The following CAMK1G variants were observed in gnomAD, a reference collection of about 807,000 sequenced individuals.
The protein encoded by CAMK1G is calcium/calmodulin dependent protein kinase IG, also known as calcium/calmodulin-dependent protein kinase type 1G.
In CAMK1G, 27 loss-of-function variants were observed where a neutral mutation model predicts 54.8. That is an observed-to-expected ratio of 0.49 (90% confidence interval 0.36 to 0.68). The LOEUF (loss-of-function observed/expected upper bound fraction) is 0.68, where lower values mean the gene tolerates loss of function less well. CAMK1G is among the 30% of genes least tolerant of loss of function. The pLI, the probability that CAMK1G is intolerant of heterozygous loss-of-function variation, is 0.00. For synonymous variants in CAMK1G, 238 were observed against 224.9 expected, an observed-to-expected ratio of 1.06 and a Z score of -0.52; for missense variants, 512 against 591.0, an observed-to-expected ratio of 0.87 and a Z score of 1.39.
chr1:209,587,612 T>G (rs1264050097), intron 1 of CAMK1G, among the ~76,000 whole-genome samples: 1 of 151,962 alleles, frequency 6.6e-6, no homozygotes, highest in Non-Finnish European at 1.5e-5. Flanking sequence ...TCAGGGAACT[T>G]TAATCTAGTC....
rs146389830 is a variant in CAMK1G, at chr1:209,600,004, C to T, written c.114C>T (p.Phe38=). 220 of 1,613,656 alleles carry T rather than the reference C, an allele frequency of 1.4e-4. No individual in the cohort carries two copies. The African/African-American group carries it at 2.5e-3, about 18-fold the overall frequency. Residue 38 remains phenylalanine (F), a synonymous_variant, in exon 3 of 13, where the codon TTC becomes TTT. Coordinates refer to ENST00000361322, the MANE Select transcript of CAMK1G (RefSeq NM_020439.3). The part of the protein sequence containing the change: ...VLGSGAFSEV[F]LVKQRLTGKL... The stretch of plus-strand genomic sequence containing the variant: ...TCAGAGGAGCTTTCTCAGAAGTTTT[C>T]CTGGTGAAGCAAAGACTGACTGGGA...
At chr1:209,611,638 G>T in intron 10 of CAMK1G, 86 bp downstream of exon 10, 1 of 1,486,930 alleles carries the variant, frequency 6.7e-7, no homozygotes, top group Non-Finnish European at 9.3e-7. Flanking sequence ...GGCTTTCCTT[G>T]GGATGTCCCA....
chr1:209,603,119 A>T, intron 3 of CAMK1G, 95 bp from the exon 4 acceptor site: 1 of 1,160,040 alleles, frequency 8.6e-7, no homozygotes, highest in Non-Finnish European at 1.3e-6. Context: ...CATTGCCATC[A>T]AAAGCCTCCA....
chr1:209,584,001 C>G (rs1232575908), intron 1 of CAMK1G: 2 of 152,230 alleles, frequency 1.3e-5, no homozygotes, highest in South Asian at 2.1e-4. Context: ...GTCCGTCACT[C>G]CTGGGCTGGC....
Position 209,600,024 on chromosome 1 carries a change from C to T in CAMK1G, c.134C>T (p.Thr45Ile). 6.2e-7 allele frequency: 1 copy of T among 1,613,922 alleles called. No individual in the cohort carries two copies. Among genetic ancestry groups the T allele is most frequent in the African/African-American group, 1.3e-5 (1 of 75,058 alleles). ...SEVFLVKQRLTGKLFALKCIK... is the reference protein window; with the variant it reads ...SEVFLVKQRLIGKLFALKCIK... ...GTTTTCCTGGTGAAGCAAAGACTGA[C>T]TGGGAAGCTCTTTGCTCTGAAGTGC... The change falls in exon 3 of 13, where the codon ACT (threonine) becomes ATT (isoleucine). Residue 45 changes from threonine (T) to isoleucine (I), a missense_variant. Coordinates refer to ENST00000361322, the MANE Select transcript of CAMK1G (RefSeq NM_020439.3).
chr1:209,596,438 C>T (rs77438189), intron 2 of CAMK1G, among the ~76,000 whole-genome samples: 1,564 of 152,296 alleles, frequency 0.01, 30 homozygotes, highest in African/African-American at 0.036. Context: ...AAGACAGACA[C>T]ACCTTCCCTC....
intron 1 of CAMK1G, among the ~76,000 whole-genome samples, chr1:209,585,454 G>A (rs1301731091): frequency 1.3e-5 from 2 of 152,198 alleles, no homozygotes; most frequent in African/African-American, 4.8e-5. Flanking sequence ...GTACAGTGAC[G>A]AGAAGACTAG....
chr1:209,594,535 G>C (rs1315146905), intron 1 of CAMK1G, among the ~76,000 whole-genome samples: 1 of 152,234 alleles, frequency 6.6e-6, no homozygotes, highest in Non-Finnish European at 1.5e-5. Flanking sequence ...AGAGGTACTA[G>C]TGAGAAAAAT....
chr1:209,584,185 C>T (rs1324741212), intron 1 of CAMK1G, among the ~76,000 whole-genome samples: 1 of 152,188 alleles, frequency 6.6e-6, no homozygotes, highest in African/African-American at 2.4e-5. Flanking sequence ...CCTGCTCAAC[C>T]TTCATCTCTT....
At chr1:209,611,018 G>T (rs981922502) in intron 9 of CAMK1G, among the ~76,000 whole-genome samples, 1 of 152,134 alleles carries the variant, frequency 6.6e-6, no homozygotes, top group Non-Finnish European at 1.5e-5. Flanking sequence ...GACTACCCCA[G>T]TGCCCTGTGA....
chr1:209,585,221 G>C (rs1571767863), intron 1 of CAMK1G, among the ~76,000 whole-genome samples: 1 of 152,192 alleles, frequency 6.6e-6, no homozygotes, highest in African/African-American at 2.4e-5. Flanking sequence ...AATGGTTTGA[G>C]CTGGAACCAT....
At chr1:209,591,510 A>C (rs1374866005) in intron 1 of CAMK1G, among the ~76,000 whole-genome samples, 6 of 152,214 alleles carry the variant, frequency 3.9e-5, no homozygotes, top group Non-Finnish European at 8.8e-5. Flanking sequence ...GGAATGGGGA[A>C]CTTTAAGTTT....
intron 1 of CAMK1G, among the ~76,000 whole-genome samples, chr1:209,588,354 A>ATGGATTGGATTGGATTGGAT (rs56898431): frequency 6.8e-6 from 1 of 147,094 alleles, no homozygotes; most frequent in Non-Finnish European, 1.5e-5. Flanking sequence ...GTGGAGCGGA[A>ATGGATTGGATTGGATTGGAT]TGGATTGGAT....
rs1234309560 is a variant in CAMK1G, at chr1:209,606,348, A to T, written c.464A>T (p.Glu155Val). 1.2e-6 allele frequency: 2 copies of T among 1,614,084 alleles called. No individual in the cohort carries two copies. The highest frequency in any genetic ancestry group is 1.7e-6 in the Non-Finnish European group (2 of 1,179,960). ...GAAAACCTGCTTTACCTTACCCCTGAAGAGAACTCTAAGATCATGATCACT... is the reference window on the plus strand; with the variant it reads ...GAAAACCTGCTTTACCTTACCCCTGTAGAGAACTCTAAGATCATGATCACT... ...KPENLLYLTP[E>V]ENSKIMITDF... Residue 155 changes from glutamate (E) to valine (V), a missense_variant, in exon 6 of 13, where the codon GAA (glutamate) becomes GTA (valine). Transcript: ENST00000361322.
intron 1 of CAMK1G, among the ~76,000 whole-genome samples, chr1:209,588,758 C>A (rs1665171124): frequency 6.6e-6 from 1 of 152,140 alleles, no homozygotes; most frequent in South Asian, 2.1e-4. Context: ...CTAAATGAAG[C>A]TGGAAAAGGA....
intron 6 of CAMK1G, 72 bp from the exon 7 acceptor site, chr1:209,607,786 T>G: frequency 7.8e-7 from 1 of 1,280,122 alleles, no homozygotes; most frequent in Non-Finnish European, 1.1e-6. Context: ...TCTCTAAGCC[T>G]GGCCTTCAGC....
intron 2 of CAMK1G, among the ~76,000 whole-genome samples, chr1:209,599,448 T>C (rs906038893): frequency 6.6e-6 from 1 of 152,262 alleles, no homozygotes; most frequent in Non-Finnish European, 1.5e-5. Flanking sequence ...CTATGTTCTC[T>C]GTAGATCTGT....
chr1:209,600,715 A>T (rs183460730), intron 3 of CAMK1G, among the ~76,000 whole-genome samples: 3 of 152,388 alleles, frequency 2.0e-5, no homozygotes, highest in Admixed American at 2.0e-4. Flanking sequence ...TGTGAGTCAC[A>T]CTAGCAGAAG....
intron 2 of CAMK1G, among the ~76,000 whole-genome samples, chr1:209,599,429 T>C (rs1045877659): frequency 1.3e-5 from 2 of 152,254 alleles, no homozygotes; most frequent in African/African-American, 4.8e-5. Flanking sequence ...CCCATCTGCC[T>C]TCTCATTGCT....
Sources: gnomAD v4.1 joint callset for allele counts (sites outside exome capture counted in the v4.1 genomes callset) on GRCh38, gnomAD v4.1.1 for gene constraint, MANE v1.5 for transcripts, NCBI Gene and HGNC (gene_info 2026-07-23, HGNC 2026-07-21) for gene names.